The following TENM3 variants were observed in gnomAD, a reference collection of about 807,000 sequenced individuals.
TENM3 encodes teneurin transmembrane protein 3, also known as teneurin-3.
A neutral mutation model predicts 255.1 loss-of-function variants in TENM3; 63 were observed. The observed-to-expected ratio is 0.25, with a 90% confidence interval of 0.20 to 0.30. The LOEUF (loss-of-function observed/expected upper bound fraction) is 0.30. Among genes scored for constraint, TENM3 ranks in the 10% least tolerant of loss-of-function variants. The pLI is 1.00. For missense variants in TENM3, 2,929 were observed against 3,461.1 expected (o/e 0.85, Z 3.86); for synonymous variants, 1,306 against 1,322.3 (o/e 0.99, Z 0.27).
chr4:181,926,930 G>A, the TENM3 span, among the ~76,000 whole-genome samples: 1 of 151,958 alleles, frequency 6.6e-6, no homozygotes, highest in Non-Finnish European at 1.5e-5. Context: ...CCCTCCCCTA[G>A]CCAAGGGAAG....
At chr4:181,575,175 T>C in the TENM3 span, among the ~76,000 whole-genome samples, 7 of 152,178 alleles carry the variant, frequency 4.6e-5, no homozygotes, top group Non-Finnish European at 7.4e-5. Flanking sequence ...TAGCTATTGA[T>C]ATAATATTTC....
Position 182,800,256 on chromosome 4 carries a change from G to A in TENM3, c.8005G>A (p.Gly2669Arg). 1 of 1,594,240 alleles carries A rather than the reference G, an allele frequency of 6.3e-7. No individual in the cohort carries two copies. Among genetic ancestry groups the A allele is most frequent in the Non-Finnish European group, 8.5e-7 (1 of 1,178,362 alleles). ...LSAGKVQGYD[G>R]YYVLSVEQYP... ...CGCCGGCAAGGTGCAGGGCTACGAC[G>A]GGTACTACGTACTCTCGGTGGAGCA... The change falls in exon 28 of 28, where the codon GGG (glycine) becomes AGG (arginine). Residue 2669 changes from glycine (G) to arginine (R), a missense_variant. Physicochemically the swap from Gly to Arg is moderately radical, Grantham distance 125. Transcript: ENST00000511685.
At chr4:182,397,398 T>TAAAAAAAAAA (rs144177808) in intron 3 of TENM3, among the ~76,000 whole-genome samples, 4 of 48,978 alleles carry the variant, frequency 8.2e-5, no homozygotes, top group Non-Finnish European at 1.2e-4. Context: ...AGACTCCATC[T>TAAAAAAAAAA]AAAAAAAAAA....
At chr4:181,808,589 C>G in the TENM3 span, among the ~76,000 whole-genome samples, 9 of 152,132 alleles carry the variant, frequency 5.9e-5, no homozygotes, top group Non-Finnish European at 1.3e-4. Flanking sequence ...GCTCGAAATA[C>G]AGAAATTTAT....
At chr4:182,374,185 T>G (rs558343681) in intron 3 of TENM3, among the ~76,000 whole-genome samples, 1 of 152,308 alleles carries the variant, frequency 6.6e-6, no homozygotes, top group East Asian at 1.9e-4. Context: ...AGATATCCCT[T>G]TCTTCATCTA....
At chr4:182,461,413 C>T (rs1042410403) in intron 3 of TENM3, among the ~76,000 whole-genome samples, 1 of 152,068 alleles carries the variant, frequency 6.6e-6, no homozygotes, top group African/African-American at 2.4e-5. Context: ...ATGAAGTTCA[C>T]GAAAGAGAAT....
the TENM3 span, among the ~76,000 whole-genome samples, chr4:181,616,974 C>A: frequency 6.6e-6 from 1 of 152,122 alleles, no homozygotes; most frequent in Non-Finnish European, 1.5e-5. Context: ...GCCCTTATTC[C>A]AGTCAGGTAG....
At chr4:181,899,714 T>A in the TENM3 span, among the ~76,000 whole-genome samples, 40 of 152,080 alleles carry the variant, frequency 2.6e-4, no homozygotes, top group African/African-American at 7.9e-4. Context: ...ACTACAGGCA[T>A]GCACCACCAC....
At chr4:181,653,841 G>T in the TENM3 span, among the ~76,000 whole-genome samples, 5 of 151,264 alleles carry the variant, frequency 3.3e-5, no homozygotes, top group African/African-American at 1.2e-4. Context: ...TTAGGTAATT[G>T]CCCTAATGCT....
At chr4:181,967,154 G>A in the TENM3 span, among the ~76,000 whole-genome samples, 1 of 152,120 alleles carries the variant, frequency 6.6e-6, no homozygotes, top group Non-Finnish European at 1.5e-5. Flanking sequence ...TTACAGACAT[G>A]ATTTGGATAT....
chr4:181,802,787 A>C, the TENM3 span, among the ~76,000 whole-genome samples: 1 of 152,218 alleles, frequency 6.6e-6, no homozygotes, highest in Non-Finnish European at 1.5e-5. Context: ...GAAAACATCA[A>C]GATTCCCAAT....
intron 3 of TENM3, among the ~76,000 whole-genome samples, chr4:182,543,331 G>A (rs1016103735): frequency 2.6e-5 from 4 of 152,162 alleles, no homozygotes; most frequent in African/African-American, 9.7e-5. Flanking sequence ...AATTCAATAG[G>A]AGAAAGAAGA....
chr4:181,725,420 CTTTTTTTTT>C, the TENM3 span, among the ~76,000 whole-genome samples: 1 of 133,780 alleles, frequency 7.5e-6, no homozygotes, highest in Non-Finnish European at 1.6e-5. Flanking sequence ...CTTTTTCTTT[CTTTTTTTTT>C]TTTTTTTCTG....
chr4:182,754,507 G>T lies in TENM3; in HGVS notation c.4140G>T (p.Arg1380=). The T allele has an allele frequency of 1.2e-6, 2 of 1,613,850 alleles. No individual in the cohort carries two copies. Among genetic ancestry groups the T allele is most frequent in the Admixed American group, 1.7e-5 (1 of 59,998 alleles). ...ENRQVRIAAG[R]PMHCQVPGVE... ...GTCAAGTTCGCATTGCTGCTGGACG[G>T]CCCATGCACTGTCAGGTTCCCGGAG... is the stretch of plus-strand genomic sequence containing the variant. Residue 1380 remains arginine, a synonymous_variant, in exon 22 of 28, where the codon CGG becomes CGT. Coordinates refer to ENST00000511685, the MANE Select transcript of TENM3 (RefSeq NM_001080477.4). This position sits in a 1 kb window ranked among gnomAD's most constrained non-coding sequence, Gnocchi z 5.1.
chr4:181,609,060 A>G, the TENM3 span, among the ~76,000 whole-genome samples: 3 of 152,074 alleles, frequency 2.0e-5, no homozygotes, highest in Non-Finnish European at 4.4e-5. Flanking sequence ...TTTTGTGCAA[A>G]CCTTTGCAAA....
At chr4:182,548,879 C>G (rs1330811386) in intron 3 of TENM3, 1 of 152,190 alleles carries the variant, frequency 6.6e-6, no homozygotes, top group Non-Finnish European at 1.5e-5. Flanking sequence ...CTATGCATCC[C>G]CTCTTCCCAC....
At chr4:181,929,614 A>T in the TENM3 span, among the ~76,000 whole-genome samples, 1 of 152,176 alleles carries the variant, frequency 6.6e-6, no homozygotes, top group South Asian at 2.1e-4. Flanking sequence ...TCAATATTAG[A>T]CAGATCAATG....
the TENM3 span, among the ~76,000 whole-genome samples, chr4:181,836,159 T>C: frequency 3.4e-4 from 48 of 142,062 alleles, no homozygotes; most frequent in African/African-American, 1.2e-3. Flanking sequence ...TCATGTTTGC[T>C]ATACACTGTT....
chr4:182,219,525 C>T (rs1057489747), intron 1 of TENM3, among the ~76,000 whole-genome samples: 11 of 151,874 alleles, frequency 7.2e-5, no homozygotes, highest in Admixed American at 7.2e-4. Flanking sequence ...ATTAGCCAGG[C>T]GTAGTGTTGC....
Sources: gnomAD v4.1 joint callset for allele counts (sites outside exome capture counted in the v4.1 genomes callset) on GRCh38, gnomAD v4.1.1 for gene constraint, Gnocchi (gnomAD v3.1) non-coding constraint, MANE v1.5 for transcripts, NCBI Gene and HGNC (gene_info 2026-07-23, HGNC 2026-07-21) for gene names.